The following ASAP2 variants were observed in gnomAD, a reference collection of about 807,000 sequenced individuals.
ASAP2 encodes the protein ArfGAP with SH3 domain, ankyrin repeat and PH domain 2, also known as arf-GAP with SH3 domain, ANK repeat and PH domain-containing protein 2.
ASAP2 carries 45 observed loss-of-function variants against 131.4 expected under a neutral mutation model. The observed-to-expected ratio is 0.34, with a 90% CI of 0.27 to 0.44. The LOEUF is 0.44. Ranked by LOEUF, ASAP2 falls within the 20% of genes least tolerant of loss-of-function variation. ASAP2 has a pLI of 1.00. For synonymous variants in ASAP2, 510 were observed against 503.0 expected, an observed-to-expected ratio of 1.01 and a Z score of -0.19; for missense variants, 1,011 against 1,297.0, an observed-to-expected ratio of 0.78 and a Z score of 3.39.
chr2:9,345,587 A>G (rs944213108), intron 11 of ASAP2, among the ~76,000 whole-genome samples: 1 of 152,086 alleles, frequency 6.6e-6, no homozygotes. Context: ...CTCAAGGCCG[A>G]GGTCGTTGCC....
chr2:9,355,742 G>A lies in ASAP2; in HGVS notation c.1112-305G>A, dbSNP rs113001067. Among the ~76,000 whole-genome samples the A allele has an allele frequency of 1.2e-3, 189 of 152,314 alleles. 3 individuals carry two copies. Among genetic ancestry groups the A allele is most frequent in the African/African-American group, 4.4e-3 (181 of 41,568 alleles). ...CAATTACTTTTTGGGGGCCAACTCT[G>A]TAGTGAGTTAAAATGAAGCTATTGA... On this transcript the variant is annotated intron_variant, in intron 12 of 27. Coordinates refer to ENST00000281419, the MANE Select transcript of ASAP2 (RefSeq NM_003887.3).
rs970416790 is a variant in ASAP2, at chr2:9,268,940, T to C, written c.127-10377T>C. Among the ~76,000 whole-genome samples, 2 of 152,028 alleles carry C rather than the reference T, an allele frequency of 1.3e-5. No homozygotes were observed. Among genetic ancestry groups the C allele is most frequent in the Admixed American group, 1.3e-4 (2 of 15,262 alleles). ...ACTCAGGGTGCTGGGGACAAACCGG[T>C]GCTGTGCTGCCTGCAGTGTGGGCTC... On this transcript the variant is annotated intron_variant, in intron 1 of 27. Coordinates refer to ENST00000281419, the MANE Select transcript of ASAP2 (RefSeq NM_003887.3). This position sits in a 1 kb window ranked among gnomAD's most constrained non-coding sequence, Gnocchi z 4.1.
intron 9 of ASAP2, among the ~76,000 whole-genome samples, chr2:9,342,614 G>A (rs1438732837): frequency 6.6e-6 from 1 of 152,220 alleles, no homozygotes; most frequent in African/African-American, 2.4e-5. Flanking sequence ...TTCTTAGATA[G>A]CACCCTTACA....
At chr2:9,385,144 C>T in intron 20 of ASAP2, 101 bp from the exon 21 acceptor site, 2 of 826,514 alleles carry the variant, frequency 2.4e-6, no homozygotes, top group Non-Finnish European at 2.0e-6. Context: ...ATGCATTTGC[C>T]TTGGACTAGA....
At chr2:9,377,029 C>T (rs763193204) in intron 18 of ASAP2, 36 bp downstream of exon 18, 1 of 1,568,326 alleles carries the variant, frequency 6.4e-7, no homozygotes, top group South Asian at 1.1e-5. Flanking sequence ...CACTCGTTTT[C>T]TCCTTGGTAT....
rs13389148 is a variant in ASAP2, at chr2:9,321,798, G to C, written c.471-1323G>C. Among the ~76,000 whole-genome samples the C allele has an allele frequency of 7.1e-3, 1,083 of 152,284 alleles. 11 individuals are homozygous for C. The highest frequency in any genetic ancestry group is 0.024 in the African/African-American group (1,011 of 41,548). On this transcript the variant is annotated intron_variant, in intron 5 of 27. Coordinates refer to ENST00000281419, the MANE Select transcript of ASAP2 (RefSeq NM_003887.3). Reference sequence around the variant, plus strand: ...TGTAAAATCGAGACACACATGGGTAGGATGGGGACAGAATTCCTCACAAAA... The same window carrying C: ...TGTAAAATCGAGACACACATGGGTACGATGGGGACAGAATTCCTCACAAAA...
intron 1 of ASAP2, among the ~76,000 whole-genome samples, chr2:9,250,879 G>T (rs1406983406): frequency 1.3e-5 from 2 of 152,218 alleles, no homozygotes; most frequent in African/African-American, 4.8e-5. Flanking sequence ...TGGAAATACA[G>T]AAATAGACAA....
intron 1 of ASAP2, among the ~76,000 whole-genome samples, chr2:9,263,608 G>A (rs1295309549): frequency 1.3e-5 from 2 of 152,218 alleles, no homozygotes; most frequent in East Asian, 1.9e-4. Flanking sequence ...GCCATGGGGC[G>A]CTCCCACCGA....
intron 24 of ASAP2, among the ~76,000 whole-genome samples, chr2:9,396,869 G>C (rs1375172093): frequency 6.6e-6 from 1 of 152,130 alleles, no homozygotes; most frequent in East Asian, 1.9e-4. Context: ...GGGCATGATG[G>C]CACACACCTG....
chr2:9,387,074 T>TGGGGG, intron 21 of ASAP2, among the ~76,000 whole-genome samples: 1 of 95,824 alleles, frequency 1.0e-5, no homozygotes, highest in African/African-American at 3.3e-5. Context: ...GGCTTGGTGG[T>TGGGGG]GGGTGGGGGG....
intron 2 of ASAP2, among the ~76,000 whole-genome samples, chr2:9,290,350 C>T (rs1032715356): frequency 6.6e-6 from 1 of 152,128 alleles, no homozygotes; most frequent in Non-Finnish European, 1.5e-5. Context: ...GCTGGGATTA[C>T]AGACACCTGC....
intron 5 of ASAP2, among the ~76,000 whole-genome samples, chr2:9,322,483 C>A (rs1258174704): frequency 6.6e-6 from 1 of 151,786 alleles, no homozygotes; most frequent in Non-Finnish European, 1.5e-5. Flanking sequence ...AGAATAAAAA[C>A]TCACGGCTAT....
chr2:9,296,939 G>C (rs1251560751), intron 2 of ASAP2, among the ~76,000 whole-genome samples: 1 of 152,222 alleles, frequency 6.6e-6, no homozygotes, highest in Non-Finnish European at 1.5e-5. Context: ...TGGGGCATCT[G>C]TGGTTGAGTT....
At chr2:9,330,242 A>T (rs1670743285) in intron 7 of ASAP2, among the ~76,000 whole-genome samples, 1 of 152,180 alleles carries the variant, frequency 6.6e-6, no homozygotes, top group Non-Finnish European at 1.5e-5. Context: ...TAAAAAAAAG[A>T]AGAGTGAAAT....
At chr2:9,259,885 G>A (rs1665455653) in intron 1 of ASAP2, among the ~76,000 whole-genome samples, 1 of 152,226 alleles carries the variant, frequency 6.6e-6, no homozygotes, top group South Asian at 2.1e-4. Context: ...CCCCTGCAGT[G>A]TCCTGCATAG....
rs1451313680 is a variant in ASAP2 at position 9,404,722 on chromosome 2, G to GC, written c.*1396dup. 2.7e-5 allele frequency: 4 copies of GC among 149,298 alleles called. No homozygotes were observed. Among genetic ancestry groups the GC allele is most frequent in the African/African-American group, 1.0e-4 (4 of 39,218 alleles). 9.2% of individuals were successfully genotyped at this position (149,298 alleles called of 1,614,324 possible). ...GATTGAAGCAGCTTGTCTTTATTATGCAAGACTGTGTAGAGTTTTTTTTTT... is the reference window on the plus strand; with the variant it reads ...GATTGAAGCAGCTTGTCTTTATTATGCCAAGACTGTGTAGAGTTTTTTTTTT... On this transcript the variant is annotated 3_prime_UTR_variant, in exon 28 of 28. Coordinates refer to ENST00000281419, the MANE Select transcript of ASAP2 (RefSeq NM_003887.3).
chr2:9,316,657 C>CT (rs1030458255), intron 3 of ASAP2, among the ~76,000 whole-genome samples: 1 of 152,160 alleles, frequency 6.6e-6, no homozygotes, highest in Non-Finnish European at 1.5e-5. Context: ...GCTCAGGGCT[C>CT]TGAGTCCGTA....
chr2:9,342,139 T>C (rs938844695), intron 9 of ASAP2, among the ~76,000 whole-genome samples: 15 of 152,208 alleles, frequency 9.9e-5, no homozygotes, highest in African/African-American at 3.4e-4. Flanking sequence ...CCCAGCTGCC[T>C]TTGTGCAGAA....
intron 15 of ASAP2, among the ~76,000 whole-genome samples, chr2:9,366,057 G>C (rs985466264): frequency 6.6e-6 from 1 of 152,128 alleles, no homozygotes; most frequent in Middle Eastern, 3.2e-3. Context: ...CTGCCCCCTT[G>C]GTTTCTGCCT....
Sources: allele counts gnomAD v4.1 joint callset (sites outside exome capture counted in the v4.1 genomes callset), GRCh38; gene constraint gnomAD v4.1.1; non-coding constraint Gnocchi (gnomAD v3.1); transcripts MANE v1.5; gene names NCBI Gene and HGNC (gene_info 2026-07-23, HGNC 2026-07-21).